SMAP2: variants seen among roughly 807,000 people sequenced by gnomAD.
SMAP2 encodes stromal membrane-associated protein 2.
A neutral mutation model predicts 56.4 loss-of-function variants in SMAP2; 25 were observed. That is an observed-to-expected ratio of 0.44 (90% CI 0.32 to 0.62). The LOEUF is 0.62. Among genes scored for constraint, SMAP2 ranks in the 20% least tolerant of loss-of-function variants. SMAP2 has a pLI of 0.04. For missense variants in SMAP2, 388 were observed against 545.6 expected (o/e 0.71, Z 2.88); for synonymous variants, 157 against 181.7 (o/e 0.86, Z 1.09).
At chr1:40,399,892 T>C (rs1255698633) in intron 1 of SMAP2, among the ~76,000 whole-genome samples, 3 of 152,012 alleles carry the variant, frequency 2.0e-5, no homozygotes, top group Non-Finnish European at 4.4e-5. Flanking sequence ...TGGGTGGGAG[T>C]ATAGCTGAAA....
chr1:40,396,004 T>C (rs1452476449), intron 1 of SMAP2, among the ~76,000 whole-genome samples: 2 of 152,234 alleles, frequency 1.3e-5, no homozygotes, highest in African/African-American at 2.4e-5. Flanking sequence ...TTCATCTCCA[T>C]TGGTAATCAC....
intron 2 of SMAP2, among the ~76,000 whole-genome samples, chr1:40,362,757 C>T (rs1421930979): frequency 6.6e-6 from 1 of 152,094 alleles, no homozygotes; most frequent in African/African-American, 2.4e-5. Flanking sequence ...GTCAGTTATA[C>T]TTGCTCTGTC....
chr1:40,389,449 T>C (rs1049944887), intron 1 of SMAP2, among the ~76,000 whole-genome samples: 2 of 150,862 alleles, frequency 1.3e-5, no homozygotes, highest in Non-Finnish European at 3.0e-5. Flanking sequence ...TGTTAATGTG[T>C]GTTCAGGTCA....
intron 4 of SMAP2, among the ~76,000 whole-genome samples, chr1:40,411,842 AAATT>A (rs1644938948): frequency 6.6e-6 from 1 of 152,208 alleles, no homozygotes; most frequent in Non-Finnish European, 1.5e-5. Context: ...GAGAAAATGA[AAATT>A]AAAGTGAAAT....
intron 1 of SMAP2, among the ~76,000 whole-genome samples, chr1:40,390,712 TG>T (rs1166219243): frequency 6.6e-6 from 1 of 152,206 alleles, no homozygotes; most frequent in Non-Finnish European, 1.5e-5. Flanking sequence ...AACACACATT[TG>T]GGTGTGTAAA....
At chr1:40,375,173 A>G (rs1284236268) in intron 1 of SMAP2, among the ~76,000 whole-genome samples, 1 of 152,152 alleles carries the variant, frequency 6.6e-6, no homozygotes, top group Non-Finnish European at 1.5e-5. Context: ...GCTTCTATGA[A>G]TCTTTTTTTC....
intron 1 of SMAP2, among the ~76,000 whole-genome samples, chr1:40,347,842 AC>A (rs1158838253): frequency 2.0e-5 from 3 of 152,238 alleles, no homozygotes; most frequent in African/African-American, 7.2e-5. Context: ...ATCTTTAAAA[AC>A]ATACATTAAA....
In SMAP2 at chr1:40,413,000, TG is replaced by T. The variant is rs1179363066; in HGVS notation, c.403-15del. 1.9e-6 allele frequency: 3 copies of T among 1,592,786 alleles called. No homozygotes were observed. Among genetic ancestry groups the T allele is most frequent in the Non-Finnish European group, 2.6e-6 (3 of 1,166,546 alleles). On this transcript the variant is annotated splice_polypyrimidine_tract_variant and intron_variant, in intron 4 of 9. Transcript: ENST00000372718. ...ACCTTGGGCCCTGTGTTCTTTGTCT[TG>T]TTAAATCATTATAGAAAGAAAAAGA...
In SMAP2 at chr1:40,374,996, C is replaced by A. The variant is rs1379367399; in HGVS notation, c.103+773C>A. The stretch of plus-strand genomic sequence containing the variant: ...ATGAATTCGATGAATTCATTGCTTC[C>A]ATGGCGATTACACTTCTAAAGGTGA... On this transcript the variant is annotated intron_variant, in intron 1 of 9. Transcript: ENST00000372718. This position sits in a 1 kb window ranked among gnomAD's most constrained non-coding sequence, Gnocchi z 5.9. 2.0e-6 allele frequency: 2 copies of A among 985,350 alleles called. No individual in the cohort carries two copies. The highest frequency in any genetic ancestry group is 2.3e-4 in the East Asian group (2 of 8,816). 61.0% of individuals were successfully genotyped at this position (985,350 alleles called of 1,614,324 possible).
chr1:40,406,561 A>C (rs2124338556), intron 1 of SMAP2, among the ~76,000 whole-genome samples, 175 bp from the exon 2 acceptor site: 1 of 152,344 alleles, frequency 6.6e-6, no homozygotes. Flanking sequence ...GTACACTTAA[A>C]TTTAAACTAA....
rs561791429 is a variant in SMAP2, at chr1:40,388,054, G to A, written c.103+13831G>A. 2.1e-3 allele frequency among the ~76,000 whole-genome samples: 320 copies of A among 152,312 alleles called. 1 individual carries two copies. The highest frequency in any genetic ancestry group is 7.3e-3 in the African/African-American group (304 of 41,588). ...AGCAGTGCCGGCCCACCGGCGCTGC[G>A]CTGGATTTCTCACCGGGCCTTAGCT... On this transcript the variant is annotated intron_variant, in intron 1 of 9. Transcript: ENST00000372718.
At chr1:40,416,070 T>C (rs1644983612) in intron 7 of SMAP2, 106 bp from the exon 8 acceptor site, 2 of 1,074,962 alleles carry the variant, frequency 1.9e-6, no homozygotes, top group African/African-American at 1.6e-5. Flanking sequence ...ACTTGAGCCA[T>C]GAATTCTTAT....
chr1:40,367,852 CA>C (rs1394586459), intron 2 of SMAP2, among the ~76,000 whole-genome samples: 1 of 116,052 alleles, frequency 8.6e-6, no homozygotes. Flanking sequence ...TAACTAAAAT[CA>C]GAGCAGAACT....
intron 1 of SMAP2, among the ~76,000 whole-genome samples, chr1:40,399,044 C>T (rs1644801570): frequency 6.6e-6 from 1 of 152,184 alleles, no homozygotes; most frequent in Non-Finnish European, 1.5e-5. Flanking sequence ...AATCTCAGTG[C>T]TTTGGGAGGC....
chr1:40,366,037 G>A (rs1174584304), intron 2 of SMAP2, among the ~76,000 whole-genome samples: 2 of 147,714 alleles, frequency 1.4e-5, no homozygotes, highest in African/African-American at 2.5e-5. Context: ...ACCAAGGCTC[G>A]AGAACTACGT....
chr1:40,405,583 G>A (rs953817034), intron 1 of SMAP2, among the ~76,000 whole-genome samples: 3 of 152,204 alleles, frequency 2.0e-5, no homozygotes, highest in African/African-American at 4.8e-5. Context: ...CGTTCCAAGC[G>A]TAGGCCCTGT....
In SMAP2 at chr1:40,408,471, T is replaced by C. The variant is rs1232951560; in HGVS notation, c.238-182T>C. On this transcript the variant is annotated intron_variant, in intron 2 of 9. Coordinates refer to ENST00000372718, the MANE Select transcript of SMAP2 (RefSeq NM_022733.3). This position sits in a 1 kb window ranked among gnomAD's most constrained non-coding sequence, Gnocchi z 4.3. Reference sequence around the variant, plus strand: ...GGGAAAGACAGCTTGGGGCAAATGATTGGGAAATCCTAGTAAGGTAGAGGG... The same window carrying C: ...GGGAAAGACAGCTTGGGGCAAATGACTGGGAAATCCTAGTAAGGTAGAGGG... Among the ~76,000 whole-genome samples, 1 of 152,082 alleles carries C rather than the reference T, an allele frequency of 6.6e-6. No homozygotes were observed. Among genetic ancestry groups the C allele is most frequent in the Non-Finnish European group, 1.5e-5 (1 of 67,996 alleles).
intron 1 of SMAP2, among the ~76,000 whole-genome samples, chr1:40,354,896 G>A (rs914612012): frequency 7.1e-6 from 1 of 140,932 alleles, no homozygotes; most frequent in Non-Finnish European, 1.5e-5. Flanking sequence ...TGATTCTCCT[G>A]CCTCAGTCTC....
rs148611104 is a variant in SMAP2 at position 40,415,377 on chromosome 1, G to C, written c.677G>C (p.Arg226Thr). Reference sequence around the variant, plus strand: ...CCATCCCCTTCTTCTTCCGGTTCCAGAAAGGTGAGTCTTGTGGGCTCCTCA... The same window carrying C: ...CCATCCCCTTCTTCTTCCGGTTCCACAAAGGTGAGTCTTGTGGGCTCCTCA... ...SVPSPSSSGS[R>T]KVVGSMPTAG... is the part of the protein sequence containing the mutation. Residue 226 changes from arginine (R) to threonine (T), a missense_variant, in exon 7 of 10, where the codon AGA (arginine) becomes ACA (threonine). Physicochemically the swap from Arg to Thr is moderately conservative, Grantham distance 71 (BLOSUM62 -1). Coordinates refer to ENST00000372718, the MANE Select transcript of SMAP2 (RefSeq NM_022733.3). The C allele has an allele frequency of 1.9e-6, 3 of 1,597,532 alleles. No homozygotes were observed. In the African/African-American group the frequency reaches 4.0e-5, roughly 21 times the overall value.
Sources: gnomAD v4.1 joint callset for allele counts (sites outside exome capture counted in the v4.1 genomes callset) on GRCh38, gnomAD v4.1.1 for gene constraint, Gnocchi (gnomAD v3.1) non-coding constraint, MANE v1.5 for transcripts, NCBI Gene and HGNC (gene_info 2026-07-23, HGNC 2026-07-21) for gene names.